FBN2: variants seen among roughly 807,000 people sequenced by gnomAD.
The protein encoded by FBN2 is fibrillin 2.
Under a neutral mutation model 355.6 loss-of-function variants are expected in FBN2, and 105 were observed. The observed-to-expected ratio is 0.30, with a 90% CI of 0.25 to 0.35. The LOEUF is 0.35. FBN2 is among the 10% of genes least tolerant of loss of function. FBN2 has a pLI of 1.00. For missense variants in FBN2, 3,280 were observed against 3,758.7 expected (o/e 0.87, Z 3.33); for synonymous variants, 1,350 against 1,301.2 (o/e 1.04, Z -0.81).
intron 31 of FBN2, among the ~76,000 whole-genome samples, 182 bp downstream of exon 31, chr5:128,334,537 G>T (rs1010560144): frequency 6.6e-6 from 1 of 151,984 alleles, no homozygotes; most frequent in African/African-American, 2.4e-5. Context: ...CTCAGACAGC[G>T]TGCTACCACA....
intron 7 of FBN2, among the ~76,000 whole-genome samples, chr5:128,411,428 T>C (rs1347205746): frequency 2.6e-5 from 4 of 152,150 alleles, no homozygotes; most frequent in Non-Finnish European, 4.4e-5. Context: ...TTCAGTGGGA[T>C]GGGGAGGTGG....
intron 18 of FBN2, among the ~76,000 whole-genome samples, chr5:128,364,287 T>G (rs765426911): frequency 6.6e-6 from 1 of 152,212 alleles, no homozygotes; most frequent in Non-Finnish European, 1.5e-5. Flanking sequence ...CATACTGACC[T>G]GTTAATTTTT....
intron 5 of FBN2, among the ~76,000 whole-genome samples, chr5:128,494,608 G>A (rs911695513): frequency 2.6e-5 from 4 of 152,164 alleles, no homozygotes; most frequent in African/African-American, 9.7e-5. Context: ...ACTAACAGAA[G>A]CCAACAGCTT....
chr5:128,362,021 T>C (rs1309759245), intron 18 of FBN2, among the ~76,000 whole-genome samples, 173 bp from the exon 19 acceptor site: 2 of 152,208 alleles, frequency 1.3e-5, no homozygotes, highest in African/African-American at 4.8e-5. Context: ...TTTATTCAAA[T>C]GGGATATTCT....
intron 25 of FBN2, among the ~76,000 whole-genome samples, chr5:128,343,907 A>G (rs1751096284): frequency 6.6e-6 from 1 of 152,136 alleles, no homozygotes; most frequent in African/African-American, 2.4e-5. Flanking sequence ...TATTTGGAGA[A>G]CTGGTTTAAG....
At chr5:128,262,154 GCTC>G (rs1740600803) in intron 63 of FBN2, among the ~76,000 whole-genome samples, 1 of 152,158 alleles carries the variant, frequency 6.6e-6, no homozygotes, top group Admixed American at 6.5e-5. Flanking sequence ...GGGCTCAAGA[GCTC>G]CTCATGCCTC....
At chr5:128,393,915 T>A (rs553017934) in intron 9 of FBN2, among the ~76,000 whole-genome samples, 1 of 152,190 alleles carries the variant, frequency 6.6e-6, no homozygotes, top group Non-Finnish European at 1.5e-5. Context: ...CAAAGTTGAG[T>A]AAAGAGAAGC....
At chr5:128,369,374 G>A in intron 15 of FBN2, 40 bp from the exon 16 acceptor site, 1 of 1,608,858 alleles carries the variant, frequency 6.2e-7, no homozygotes, top group Non-Finnish European at 8.5e-7. Context: ...GGCAGTGATA[G>A]AGACAAAGAG....
At chr5:128,354,951 T>C (rs948553818) in intron 20 of FBN2, among the ~76,000 whole-genome samples, 2 of 152,072 alleles carry the variant, frequency 1.3e-5, no homozygotes, top group Non-Finnish European at 2.9e-5. Flanking sequence ...GAGTGACAAA[T>C]GTGAGAGTCA....
rs1385121154 is a variant in FBN2, at chr5:128,305,899, G to A, written c.5472C>T (p.Cys1824=). Residue 1824 remains cysteine, a synonymous_variant, in exon 43 of 65, where the codon TGC becomes TGT. Coordinates refer to ENST00000262464, the MANE Select transcript of FBN2 (RefSeq NM_001999.4). ...AGCGGAAACTGCCAATCTGGTTAAT[G>A]CACACACCATTTGCACAAATGCCTG... The part of the protein sequence containing the change: ...EIPGICANGV[C]INQIGSFRCE... The A allele has an allele frequency of 1.9e-6, 3 of 1,613,472 alleles. No homozygotes were observed. Among genetic ancestry groups the A allele is most frequent in the Admixed American group, 3.3e-5 (2 of 60,004 alleles).
chr5:128,342,581 A>T (rs566452245), intron 25 of FBN2, among the ~76,000 whole-genome samples: 56 of 152,166 alleles, frequency 3.7e-4, no homozygotes, highest in Middle Eastern at 3.4e-3. Context: ...GGAAGAGGAG[A>T]TGCTAGAGAG....
chr5:128,378,307 G>C (rs1752139968), intron 12 of FBN2, among the ~76,000 whole-genome samples: 1 of 152,142 alleles, frequency 6.6e-6, no homozygotes, highest in South Asian at 2.1e-4. Flanking sequence ...AAATGAAAAA[G>C]AAGACAGGCA....
At chr5:128,357,888 C>T (rs1368207609) in intron 19 of FBN2, among the ~76,000 whole-genome samples, 2 of 152,086 alleles carry the variant, frequency 1.3e-5, no homozygotes, top group Admixed American at 1.3e-4. Context: ...ACATAACTCT[C>T]CTCTAGTCCC....
chr5:128,312,993 T>G (rs1750100894), intron 36 of FBN2, among the ~76,000 whole-genome samples, 198 bp from the exon 37 acceptor site: 1 of 152,204 alleles, frequency 6.6e-6, no homozygotes, highest in Admixed American at 6.5e-5. Flanking sequence ...CATGGCAGAC[T>G]TTCCTATATT....
Position 128,537,745 on chromosome 5 carries a change from T to C in FBN2, c.-142A>G, listed in dbSNP as rs1756899609. 1.2e-6 allele frequency: 1 copy of C among 811,240 alleles called. No individual in the cohort carries two copies. The highest frequency in any genetic ancestry group is 2.0e-6 in the Non-Finnish European group (1 of 501,874). 50.3% of individuals were successfully genotyped at this position (811,240 alleles called of 1,614,324 possible). On this transcript the variant is annotated 5_prime_UTR_variant, in exon 1 of 65. Transcript: ENST00000262464. ...TCCCTCGGGCTCGGGCTCCCTGCTC[T>C]AGCTGGAGACCTCGACAGAGCGCCG...
intron 15 of FBN2, among the ~76,000 whole-genome samples, chr5:128,374,402 G>GTCCTAACACGAA (rs879865887): frequency 1.1e-3 from 173 of 152,158 alleles, no homozygotes; most frequent in Middle Eastern, 3.4e-3. Flanking sequence ...AATCTACTTT[G>GTCCTAACACGAA]TCACAACGGA....
At chr5:128,366,453 A>G in intron 16 of FBN2, 23 bp from the exon 17 acceptor site, 1 of 1,548,222 alleles carries the variant, frequency 6.5e-7, no homozygotes, top group Non-Finnish European at 8.9e-7. Flanking sequence ...AAGAAATAGA[A>G]GAATTAAAAA....
rs770065406 is a variant in FBN2 at position 128,393,258 on chromosome 5, C to T, written c.1342G>A (p.Gly448Ser). Residue 448 changes from glycine (G) to serine (S), a missense_variant, in exon 10 of 65, where the codon GGC becomes AGC. Physicochemically the swap from Gly to Ser is moderately conservative, Grantham distance 56 (BLOSUM62 0). Coordinates refer to ENST00000262464, the MANE Select transcript of FBN2 (RefSeq NM_001999.4). Reference sequence around the variant, plus strand: ...GTCCCTCCTGGGCCATAGCCATTGCCATTGCCACTTGGGGCAAAGCCATTT... The same window carrying T: ...GTCCCTCCTGGGCCATAGCCATTGCTATTGCCACTTGGGGCAAAGCCATTT... ...GGNGFAPSGN[G>S]NGYGPGGTGF... The T allele has an allele frequency of 6.2e-7, 1 of 1,614,166 alleles. No homozygotes were observed. The highest frequency in any genetic ancestry group is 8.5e-7 in the Non-Finnish European group (1 of 1,180,000).
intron 5 of FBN2, among the ~76,000 whole-genome samples, chr5:128,518,128 C>G (rs932820700): frequency 6.6e-6 from 1 of 152,120 alleles, no homozygotes; most frequent in Non-Finnish European, 1.5e-5. Context: ...GTCAGGCTTC[C>G]GCTGGCCTAG....
Sources: allele counts gnomAD v4.1 joint callset (sites outside exome capture counted in the v4.1 genomes callset), GRCh38; gene constraint gnomAD v4.1.1; transcripts MANE v1.5; gene names NCBI Gene and HGNC (gene_info 2026-07-23, HGNC 2026-07-21).